Variants in GALNT17 observed in about 807,000 individuals in gnomAD.
GALNT17 encodes the protein UDP-GalNAc:polypeptide N-acetylgalactosaminyltransferase-like 3.
A neutral mutation model predicts 63.7 loss-of-function variants in GALNT17; 29 were observed. That is an observed-to-expected ratio of 0.46 (90% confidence interval 0.34 to 0.62). The LOEUF (loss-of-function observed/expected upper bound fraction) is 0.62, where lower values mean the gene tolerates loss of function less well. GALNT17 is among the 20% of genes least tolerant of loss of function. The probability of loss-of-function intolerance (pLI) is 0.01; values close to 1 mark genes in which losing one functional copy is unlikely to be tolerated. For missense variants in GALNT17, 603 were observed against 799.6 expected, an observed-to-expected ratio of 0.75 and a Z score of 2.97; for synonymous variants, 305 against 318.3, an observed-to-expected ratio of 0.96 and a Z score of 0.45.
At chr7:71,324,705 A>C (rs1372196535) in intron 1 of GALNT17, among the ~76,000 whole-genome samples, 1 of 152,172 alleles carries the variant, frequency 6.6e-6, no homozygotes, top group Non-Finnish European at 1.5e-5. Context: ...AATTTAAAAA[A>C]TATTATATTT....
chr7:71,436,028 G>A (rs8180714), intron 5 of GALNT17, among the ~76,000 whole-genome samples: 267 of 137,204 alleles, frequency 1.9e-3, no homozygotes, highest in Middle Eastern at 7.4e-3. Flanking sequence ...TCAAAAAAAA[G>A]AAAAAAAAAA....
chr7:71,659,284 C>A (rs1268486762), intron 6 of GALNT17, among the ~76,000 whole-genome samples: 1 of 152,200 alleles, frequency 6.6e-6, no homozygotes, highest in African/African-American at 2.4e-5. Flanking sequence ...AGTGTAAGCC[C>A]AAATTTAGTG....
chr7:71,437,341 A>G (rs1786984141), intron 5 of GALNT17, among the ~76,000 whole-genome samples: 2 of 152,102 alleles, frequency 1.3e-5, no homozygotes, highest in Admixed American at 6.6e-5. Flanking sequence ...TGATTTTACA[A>G]TTTCTCCCAC....
chr7:71,521,262 G>A (rs561347650), intron 5 of GALNT17, among the ~76,000 whole-genome samples: 8 of 151,974 alleles, frequency 5.3e-5, no homozygotes, highest in African/African-American at 1.9e-4. Context: ...CAGGTTCTAG[G>A]GCTGTGTGCT....
rs542773027 is a variant in GALNT17 at position 71,313,181 on chromosome 7, A to G, written c.239-22369A>G. ...CAAGTATTTTTCCACTTGTTGAACT[A>G]GGAACATCTGTGGATATTATGAACA... On this transcript the variant is annotated intron_variant, in intron 1 of 10. Coordinates refer to ENST00000333538, the MANE Select transcript of GALNT17 (RefSeq NM_022479.3). 4.6e-5 allele frequency among the ~76,000 whole-genome samples: 7 copies of G among 152,324 alleles called. 1 individual carries two copies. The South Asian group carries it at 1.2e-3, about 27-fold the overall frequency.
At chr7:71,211,770 A>G (rs1337144358) in intron 1 of GALNT17, among the ~76,000 whole-genome samples, 1 of 152,194 alleles carries the variant, frequency 6.6e-6, no homozygotes, top group East Asian at 1.9e-4. Flanking sequence ...GTTTTAGCTA[A>G]GAGACTGGCA....
intron 6 of GALNT17, among the ~76,000 whole-genome samples, chr7:71,635,967 G>A (rs1790524021): frequency 6.6e-6 from 1 of 152,116 alleles, no homozygotes; most frequent in Admixed American, 6.6e-5. Flanking sequence ...TTCATGACCT[G>A]TATCTTGTGC....
intron 2 of GALNT17, among the ~76,000 whole-genome samples, chr7:71,385,662 C>T (rs775945641): frequency 1.2e-4 from 18 of 152,116 alleles, no homozygotes; most frequent in Non-Finnish European, 2.1e-4. Flanking sequence ...AAACCTGACC[C>T]GGCTCAGTGA....
At chr7:71,265,866 T>A (rs1397379449) in intron 1 of GALNT17, among the ~76,000 whole-genome samples, 2 of 152,216 alleles carry the variant, frequency 1.3e-5, no homozygotes, top group Non-Finnish European at 2.9e-5. Context: ...ACAAATGGCT[T>A]CATAGTGGCA....
chr7:71,678,526 G>A (rs1454010205), intron 9 of GALNT17, among the ~76,000 whole-genome samples: 5 of 151,904 alleles, frequency 3.3e-5, no homozygotes, highest in East Asian at 2.0e-4. Context: ...GGCCAGGTGC[G>A]GTGGCTCACG....
intron 1 of GALNT17, among the ~76,000 whole-genome samples, chr7:71,233,140 G>C (rs1325563000): frequency 1.3e-5 from 2 of 152,096 alleles, no homozygotes; most frequent in Non-Finnish European, 2.9e-5. Context: ...TGCTAACCCT[G>C]GTGGCTCTCT....
chr7:71,566,996 C>T (rs1435172124), intron 5 of GALNT17, among the ~76,000 whole-genome samples: 3 of 152,258 alleles, frequency 2.0e-5, no homozygotes, highest in Non-Finnish European at 2.9e-5. Context: ...GCCCTGAACG[C>T]GTGTGAGCCT....
rs1179557077 is a variant in GALNT17, at chr7:71,183,775, G to A, written c.238+50735G>A. ...TAGCTGGGCGTGATGGCGGGTGCCT[G>A]TAATCCCAGCTACTTGAGGCAGGAG... On this transcript the variant is annotated intron_variant, in intron 1 of 10. Transcript: ENST00000333538. 7.9e-5 allele frequency among the ~76,000 whole-genome samples: 12 copies of A among 152,182 alleles called. No homozygotes were observed. In the East Asian group the frequency reaches 1.7e-3, roughly 22 times the overall value.
At chr7:71,448,952 C>T (rs116952956) in intron 5 of GALNT17, among the ~76,000 whole-genome samples, 1 of 151,866 alleles carries the variant, frequency 6.6e-6, no homozygotes, top group African/African-American at 2.4e-5. Context: ...TTCTAGGACA[C>T]TGGTTATCTT....
chr7:71,413,348 G>C (rs888936386), intron 3 of GALNT17, among the ~76,000 whole-genome samples: 1 of 151,792 alleles, frequency 6.6e-6, no homozygotes, highest in Non-Finnish European at 1.5e-5. Flanking sequence ...TTATAATATT[G>C]AATATTATAA....
intron 2 of GALNT17, among the ~76,000 whole-genome samples, chr7:71,387,939 C>G (rs186991447): frequency 4.5e-4 from 69 of 152,268 alleles, no homozygotes; most frequent in Non-Finnish European, 7.8e-4. Flanking sequence ...ATCTACTGAA[C>G]CCACTAAGTG....
At chr7:71,374,590 C>T (rs1031034884) in intron 2 of GALNT17, among the ~76,000 whole-genome samples, 2 of 152,222 alleles carry the variant, frequency 1.3e-5, no homozygotes, top group African/African-American at 2.4e-5. Flanking sequence ...CAGACTTTGC[C>T]TCTTGAGTGG....
In GALNT17 at chr7:71,155,787, ACTT is replaced by A. The variant is rs1002238030; in HGVS notation, c.238+22751_238+22753del. Among the ~76,000 whole-genome samples, 64 of 151,892 alleles carry A rather than the reference ACTT, an allele frequency of 4.2e-4. 1 individual carries two copies. In the Middle Eastern group the frequency reaches 0.014, roughly 32 times the overall value. ...CTGGAGATTTAAATAAGTACTGCAG[ACTT>A]CTTTTATTCTAATTAAGTAGAGTAG... On this transcript the variant is annotated intron_variant, in intron 1 of 10. Transcript: ENST00000333538.
chr7:71,620,826 T>A (rs994005657), intron 6 of GALNT17, among the ~76,000 whole-genome samples: 3 of 152,172 alleles, frequency 2.0e-5, no homozygotes, highest in Non-Finnish European at 2.9e-5. Flanking sequence ...GCTATTCTGG[T>A]TGTCATTTTT....
Sources: gnomAD v4.1 joint callset for allele counts (sites outside exome capture counted in the v4.1 genomes callset) on GRCh38, gnomAD v4.1.1 for gene constraint, MANE v1.5 for transcripts, NCBI Gene and HGNC (gene_info 2026-07-23, HGNC 2026-07-21) for gene names.